DNAH2: variants seen among roughly 807,000 people sequenced by gnomAD.
DNAH2 encodes the protein axonemal beta dynein heavy chain 2.
DNAH2 carries 323 observed loss-of-function variants against 523.5 expected under a neutral mutation model. The observed-to-expected ratio is 0.62, with a 90% CI of 0.56 to 0.68. The LOEUF (loss-of-function observed/expected upper bound fraction) is 0.68. Among genes scored for constraint, DNAH2 ranks in the 30% least tolerant of loss-of-function variants. DNAH2 has a pLI of 0.00. For missense variants in DNAH2, 4,907 were observed against 5,701.5 expected (o/e 0.86, Z 4.49); for synonymous variants, 2,093 against 2,177.4 (o/e 0.96, Z 1.08).
Position 7,777,622 on chromosome 17 carries a change from C to T in DNAH2, c.5235C>T (p.Phe1745=), listed in dbSNP as rs1457858168. 1 of 1,614,106 alleles carries T rather than the reference C, an allele frequency of 6.2e-7. No homozygotes were observed. The change falls in exon 33 of 86, where the codon TTC becomes TTT. Residue 1745 remains phenylalanine (F), a synonymous_variant. Coordinates refer to ENST00000572933, the MANE Select transcript of DNAH2 (RefSeq NM_020877.5). The stretch of plus-strand genomic sequence containing the variant: ...TTGACTGGCTCAGCCAACTTCGGTT[C>T]TACTGGGAGAAGGTGCCAGATGGGC... The part of the protein sequence containing the change: ...NSFDWLSQLR[F]YWEKDLDDCV...
intron 77 of DNAH2, 44 bp from the exon 78 acceptor site, chr17:7,830,251 GTCTGA>G: frequency 6.4e-7 from 1 of 1,570,212 alleles, no homozygotes. Context: ...CTAGTGGCAG[GTCTGA>G]GTGTGATGCA....
In DNAH2 at chr17:7,832,469, A is replaced by G; in HGVS notation, c.12727-110A>G. 5 of 1,323,006 alleles carry G rather than the reference A, an allele frequency of 3.8e-6. No homozygotes were observed. The highest frequency in any genetic ancestry group is 5.2e-6 in the Non-Finnish European group (5 of 955,386). 82.0% of individuals were successfully genotyped at this position (1,323,006 alleles called of 1,614,324 possible). A position where few individuals can be genotyped will look rare whatever the true frequency, so the allele number is the denominator to read the frequency against. ...GGTTGCAGTGAGCCAAGATCGTACC[A>G]CTGCACTCCAGCCTGGGGGACAAGA... On this transcript the variant is annotated intron_variant, in intron 82 of 85. Transcript: ENST00000572933. The surrounding 1 kb of genome is among the most constrained non-coding windows in gnomAD (Gnocchi z 4.3).
rs142371727 is a variant in DNAH2 at position 7,758,559 on chromosome 17, A to C, written c.2116A>C (p.Lys706Gln). 1.0e-4 allele frequency: 167 copies of C among 1,614,152 alleles called. No individual in the cohort carries two copies. The highest frequency in any genetic ancestry group is 1.6e-4 in the East Asian group (7 of 44,878). ...LFKERIRLLD[K>Q]KIHPGLKKLH... ...CAAAGAGCGTATTCGGCTCCTGGAT[A>C]AGAAGATCCACCCGGGACTCAAGAA... The change falls in exon 14 of 86, where the codon AAG becomes CAG. Residue 706 changes from lysine (K) to glutamine (Q), a missense_variant. By Grantham distance (53) the Lys-to-Gln change is moderately conservative. This residue lies in a region of DNAH2 where 2,806 missense variants were observed against 3,190.8 expected (regional missense o/e 0.88). Transcript: ENST00000572933.
Position 7,821,093 on chromosome 17 carries a change from C to T in DNAH2, c.11016-150C>T. 1 of 1,086,926 alleles carries T rather than the reference C, an allele frequency of 9.2e-7. No homozygotes were observed. The highest frequency in any genetic ancestry group is 1.6e-5 in the African/African-American group (1 of 63,064). The allele number at this position is 1,086,926 out of a possible 1,614,324, so 67.3% of individuals were successfully genotyped here. A position where few individuals can be genotyped will look rare whatever the true frequency, so the allele number is the denominator to read the frequency against. On this transcript the variant is annotated intron_variant, in intron 72 of 85. Coordinates refer to ENST00000572933, the MANE Select transcript of DNAH2 (RefSeq NM_020877.5). This position sits in a 1 kb window ranked among gnomAD's most constrained non-coding sequence, Gnocchi z 5.0. ...CTGGGAAATTCTTGTGTCTAGGCCC[C>T]TGAGTCCTCAGCTGTTTCCAGGAGG...
intron 12 of DNAH2, among the ~76,000 whole-genome samples, chr17:7,745,270 C>T (rs759349213): frequency 6.6e-6 from 1 of 152,136 alleles, no homozygotes; most frequent in Non-Finnish European, 1.5e-5. Context: ...GCTGGGATTA[C>T]AGGCATGAGC....
chr17:7,786,080 C>A lies in DNAH2; in HGVS notation c.6130-44C>A. 6.3e-7 allele frequency: 1 copy of A among 1,599,428 alleles called. No individual in the cohort carries two copies. On this transcript the variant is annotated intron_variant, in intron 39 of 85. Transcript: ENST00000572933. The surrounding 1 kb of genome is among the most constrained non-coding windows in gnomAD (Gnocchi z 7.5). ...GGAGATTTTGAAAGCCCTTTAAAGGCCTCATCCTTTTTCTTCTGCTTGCTG... is the reference window on the plus strand; with the variant it reads ...GGAGATTTTGAAAGCCCTTTAAAGGACTCATCCTTTTTCTTCTGCTTGCTG...
chr17:7,765,434 TC>T lies in DNAH2; in HGVS notation c.3382del (p.Gln1128AsnfsTer11). 6.2e-7 allele frequency: 1 copy of T among 1,614,198 alleles called. No homozygotes were observed. Among genetic ancestry groups the T allele is most frequent in the South Asian group, 1.1e-5 (1 of 91,084 alleles). ...AGTCTCAACGGGGAGTGGGTTGTCT[TC>T]CAACAAACTCTGCTGGACAGTAAGC... ...LDSLNGEWVV[F>X]QQTLLDSKQM... is the part of the protein sequence containing the mutation. On this transcript the variant is annotated frameshift_variant, in exon 21 of 86. Transcript: ENST00000572933. LOFTEE classifies it high-confidence loss of function.
chr17:7,741,900 T>G (rs2075365413), intron 11 of DNAH2, among the ~76,000 whole-genome samples: 1 of 150,802 alleles, frequency 6.6e-6, no homozygotes, highest in Non-Finnish European at 1.5e-5. Flanking sequence ...CGACCTCAGG[T>G]GATCCACCCA....
chr17:7,750,931 ATTCAGT>A (rs1490023557), intron 12 of DNAH2, among the ~76,000 whole-genome samples: 2 of 152,162 alleles, frequency 1.3e-5, no homozygotes, highest in East Asian at 3.8e-4. Flanking sequence ...AATATTGTTA[ATTCAGT>A]GTAGAAAAGA....
chr17:7,797,722 A>T lies in DNAH2; in HGVS notation c.8123A>T (p.Asp2708Val). The T allele has an allele frequency of 6.2e-7, 1 of 1,614,114 alleles. No homozygotes were observed. Among genetic ancestry groups the T allele is most frequent in the Non-Finnish European group, 8.5e-7 (1 of 1,180,020 alleles). ...KEPKVYEDLT[D>V]LTVLKTVMET... is the part of the protein sequence containing the mutation. ...CCCAAGGTGTATGAAGACCTCACGG[A>T]TCTGACAGTGCTGAAGACAGTCATG... is the stretch of plus-strand genomic sequence containing the variant. The change falls in exon 53 of 86, where the codon GAT becomes GTT. Residue 2708 changes from aspartate to valine, a missense_variant. Coordinates refer to ENST00000572933, the MANE Select transcript of DNAH2 (RefSeq NM_020877.5).
intron 12 of DNAH2, 41 bp downstream of exon 12, chr17:7,743,183 C>A (rs1483956192): frequency 6.3e-7 from 1 of 1,596,476 alleles, no homozygotes. Flanking sequence ...TACTCCCCTT[C>A]TGCAGCTCTC....
At chr17:7,794,085 C>A (rs971954559) in intron 48 of DNAH2, among the ~76,000 whole-genome samples, 169 bp from the exon 49 acceptor site, 2 of 152,150 alleles carry the variant, frequency 1.3e-5, no homozygotes, top group African/African-American at 2.4e-5. Flanking sequence ...CTTCCCCTCC[C>A]CCTGCCCTAC....
Position 7,767,936 on chromosome 17 carries a change from C to G in DNAH2, c.3712C>G (p.Arg1238Gly), listed in dbSNP as rs748102608. 3 of 1,613,998 alleles carry G rather than the reference C, an allele frequency of 1.9e-6. No homozygotes were observed. Among genetic ancestry groups the G allele is most frequent in the Admixed American group, 3.3e-5 (2 of 60,012 alleles). ...CCTCCAGCAAATCTGGGAGATCGCA[C>G]GAGACTGGGAGGAGAACTGGAATGA... ...DALQQIWEIA[R>G]DWEENWNEWK... The change falls in exon 23 of 86, where the codon CGA becomes GGA. Residue 1238 changes from arginine to glycine, a missense_variant. Coordinates refer to ENST00000572933, the MANE Select transcript of DNAH2 (RefSeq NM_020877.5).
At position 7,786,465 on chromosome 17, in the gene DNAH2, G is replaced by A; in HGVS notation, c.6349-105G>A. 1 of 1,467,514 alleles carries A rather than the reference G, an allele frequency of 6.8e-7. No individual in the cohort carries two copies. The highest frequency in any genetic ancestry group is 9.3e-7 in the Non-Finnish European group (1 of 1,069,902). 90.9% of individuals were successfully genotyped at this position (1,467,514 alleles called of 1,614,324 possible). A position where few individuals can be genotyped will look rare whatever the true frequency, so the allele number is the denominator to read the frequency against. ...GCTGTACCTGGGACCATGGTGGCCTGGAGCGATGAGAGAAGGGACAAATGC... is the reference window on the plus strand; with the variant it reads ...GCTGTACCTGGGACCATGGTGGCCTAGAGCGATGAGAGAAGGGACAAATGC... On this transcript the variant is annotated intron_variant, in intron 40 of 85. Coordinates refer to ENST00000572933, the MANE Select transcript of DNAH2 (RefSeq NM_020877.5). This position sits in a 1 kb window ranked among gnomAD's most constrained non-coding sequence, Gnocchi z 7.5.
intron 12 of DNAH2, among the ~76,000 whole-genome samples, chr17:7,747,490 A>G (rs561399412): frequency 6.6e-6 from 1 of 152,186 alleles, no homozygotes; most frequent in South Asian, 2.1e-4. Context: ...TGATTCCCGC[A>G]CTTTGTTCCC....
At chr17:7,815,230 C>T (rs2077626735) in intron 63 of DNAH2, among the ~76,000 whole-genome samples, 1 of 152,248 alleles carries the variant, frequency 6.6e-6, no homozygotes, top group South Asian at 2.1e-4. Flanking sequence ...CCCACATCAC[C>T]CTTACCTGCA....
intron 12 of DNAH2, among the ~76,000 whole-genome samples, chr17:7,747,666 A>T (rs754479941): frequency 2.0e-5 from 3 of 152,152 alleles, no homozygotes; most frequent in Non-Finnish European, 4.4e-5. Context: ...CCAAATATTT[A>T]TGGCTTGGGT....
intron 3 of DNAH2, among the ~76,000 whole-genome samples, chr17:7,724,487 C>T (rs765056412): frequency 1.2e-4 from 18 of 151,964 alleles, no homozygotes; most frequent in Admixed American, 2.0e-4. Context: ...GGTGTGGTGG[C>T]GGATGCCTGT....
chr17:7,833,325 G>A, intron 85 of DNAH2, 54 bp from the exon 86 acceptor site: 2 of 1,609,204 alleles, frequency 1.2e-6, no homozygotes, highest in Non-Finnish European at 1.7e-6. Context: ...CCCTGCTCCT[G>A]CCCTGCTCTC....
Sources: gnomAD v4.1 joint callset for allele counts (sites outside exome capture counted in the v4.1 genomes callset) on GRCh38, gnomAD v4.1.1 for gene constraint, gnomAD v4.1.1 regional missense constraint, Gnocchi (gnomAD v3.1) non-coding constraint, MANE v1.5 for transcripts, NCBI Gene and HGNC (gene_info 2026-07-23, HGNC 2026-07-21) for gene names.